The following PPP3CA variants were observed in gnomAD, a reference collection of about 807,000 sequenced individuals.
PPP3CA encodes the protein protein phosphatase 3 catalytic subunit alpha.
A neutral mutation model predicts 66.5 loss-of-function variants in PPP3CA; 14 were observed. That is an observed-to-expected ratio of 0.21 (90% CI 0.14 to 0.33). PPP3CA has a LOEUF of 0.33. Ranked by LOEUF, PPP3CA falls within the 10% of genes least tolerant of loss-of-function variation. The probability of loss-of-function intolerance (pLI) is 1.00; values close to 1 mark genes in which losing one functional copy is unlikely to be tolerated. For missense variants in PPP3CA, 317 were observed against 639.5 expected, an observed-to-expected ratio of 0.50 and a Z score of 5.44; for synonymous variants, 232 against 226.2, an observed-to-expected ratio of 1.03 and a Z score of -0.23.
rs186763683 is a variant in PPP3CA at position 101,312,843 on chromosome 4, C to G, written c.58+33896G>C. Reference sequence around the variant, plus strand: ...TTTCTCCTAAGCACTGCACCAGATACATCATCAGAGACATTAAAAAGTGGT... The same window carrying G: ...TTTCTCCTAAGCACTGCACCAGATAGATCATCAGAGACATTAAAAAGTGGT... On this transcript the variant is annotated intron_variant, in intron 1 of 13. Coordinates refer to ENST00000394854, the MANE Select transcript of PPP3CA (RefSeq NM_000944.5). Among the ~76,000 whole-genome samples the G allele has an allele frequency of 9.1e-3, 1,383 of 152,232 alleles. 17 individuals are homozygous for G. The highest frequency in any genetic ancestry group is 0.031 in the African/African-American group (1,287 of 41,534).
At chr4:101,174,669 A>G (rs1465440518) in intron 2 of PPP3CA, among the ~76,000 whole-genome samples, 1 of 152,172 alleles carries the variant, frequency 6.6e-6, no homozygotes, top group Non-Finnish European at 1.5e-5. Context: ...TTCTTAATCT[A>G]AAAGAATATA....
At chr4:101,096,137 T>C (rs185986906) in intron 5 of PPP3CA, among the ~76,000 whole-genome samples, 1 of 152,354 alleles carries the variant, frequency 6.6e-6, no homozygotes, top group East Asian at 1.9e-4. Context: ...ATAAAAAGCA[T>C]GCATTTTCTT....
At chr4:101,170,030 T>G (rs987461174) in intron 2 of PPP3CA, among the ~76,000 whole-genome samples, 2 of 152,172 alleles carry the variant, frequency 1.3e-5, no homozygotes, top group Non-Finnish European at 2.9e-5. Flanking sequence ...TTTCTATAGT[T>G]TTCCATATAA....
chr4:101,324,177 G>GAAGGAAGA (rs1729136028), intron 1 of PPP3CA, among the ~76,000 whole-genome samples: 3 of 129,014 alleles, frequency 2.3e-5, no homozygotes, highest in South Asian at 6.3e-4. Context: ...AGGAAGGAAG[G>GAAGGAAGA]AAGGAAGGAA....
intron 1 of PPP3CA, among the ~76,000 whole-genome samples, chr4:101,289,912 G>C (rs1727967901): frequency 7.2e-6 from 1 of 139,530 alleles, no homozygotes; most frequent in South Asian, 2.3e-4. Context: ...GTGTGTGTGT[G>C]TCAGATGTTT....
intron 2 of PPP3CA, among the ~76,000 whole-genome samples, chr4:101,170,492 A>T (rs2110314719): frequency 6.6e-6 from 1 of 152,280 alleles, no homozygotes; most frequent in South Asian, 2.1e-4. Context: ...CTACAAATAA[A>T]TAAATGGAAT....
At chr4:101,328,778 G>A (rs1387520295) in intron 1 of PPP3CA, among the ~76,000 whole-genome samples, 2 of 151,964 alleles carry the variant, frequency 1.3e-5, no homozygotes, top group African/African-American at 2.4e-5. Context: ...TGTATGTTAT[G>A]GTAATCTGTG....
At chr4:101,118,261 C>A (rs933392746) in intron 2 of PPP3CA, among the ~76,000 whole-genome samples, 2 of 151,974 alleles carry the variant, frequency 1.3e-5, no homozygotes, top group African/African-American at 4.8e-5. Context: ...GACTACGATG[C>A]CAGACTGCTT....
intron 1 of PPP3CA, among the ~76,000 whole-genome samples, chr4:101,298,740 G>C (rs993619610): frequency 3.9e-5 from 6 of 151,984 alleles, no homozygotes; most frequent in African/African-American, 1.5e-4. Flanking sequence ...GCCAACAGTA[G>C]GCTATTAGTA....
At chr4:101,179,380 C>T (rs1465849217) in intron 2 of PPP3CA, among the ~76,000 whole-genome samples, 1 of 152,092 alleles carries the variant, frequency 6.6e-6, no homozygotes, top group African/African-American at 2.4e-5. Flanking sequence ...AGTGGGTTAT[C>T]TACCCACTGC....
At chr4:101,033,269 C>T (rs998433368) in intron 11 of PPP3CA, among the ~76,000 whole-genome samples, 3 of 137,648 alleles carry the variant, frequency 2.2e-5, no homozygotes, top group African/African-American at 7.9e-5. Context: ...TATATACATA[C>T]ATAGAGACAC....
chr4:101,315,376 T>G (rs1390347182), intron 1 of PPP3CA, among the ~76,000 whole-genome samples: 1 of 152,150 alleles, frequency 6.6e-6, no homozygotes, highest in East Asian at 1.9e-4. Context: ...AACCCCAGTT[T>G]TATAAAAAAG....
intron 2 of PPP3CA, among the ~76,000 whole-genome samples, chr4:101,113,590 A>G (rs1028379560): frequency 1.3e-5 from 2 of 152,116 alleles, no homozygotes; most frequent in Admixed American, 6.6e-5. Flanking sequence ...TTTATTGCTC[A>G]GGCCTTGGAT....
At position 101,328,883 on chromosome 4, in the gene PPP3CA, TCTGA is replaced by T. The variant is rs539836906; in HGVS notation, c.58+17852_58+17855del. Among the ~76,000 whole-genome samples the T allele has an allele frequency of 1.9e-3, 284 of 152,272 alleles. 1 individual carries two copies. The highest frequency in any genetic ancestry group is 6.5e-3 in the African/African-American group (269 of 41,554). ...AAATTTAACAAATAAATGTGTGTAC[TCTGA>T]CTGCTGTGCTGACCAGTCATTTACC... On this transcript the variant is annotated intron_variant, in intron 1 of 13. Coordinates refer to ENST00000394854, the MANE Select transcript of PPP3CA (RefSeq NM_000944.5).
intron 1 of PPP3CA, among the ~76,000 whole-genome samples, chr4:101,261,628 T>G (rs1021969625): frequency 6.6e-6 from 1 of 152,076 alleles, no homozygotes; most frequent in Non-Finnish European, 1.5e-5. Context: ...GTAGTATAAT[T>G]ATTTTCACTT....
At chr4:101,109,661 A>G (rs954727833) in intron 2 of PPP3CA, among the ~76,000 whole-genome samples, 28 of 151,294 alleles carry the variant, frequency 1.9e-4, no homozygotes, top group Admixed American at 1.5e-3. Context: ...TAAGGCAAAA[A>G]AAAAAAAAAA....
At chr4:101,264,413 C>T (rs187461313) in intron 1 of PPP3CA, among the ~76,000 whole-genome samples, 93 of 151,330 alleles carry the variant, frequency 6.1e-4, no homozygotes, top group African/African-American at 1.9e-3. Context: ...CTAAGGCATA[C>T]GAAGGCAGGA....
intron 12 of PPP3CA, among the ~76,000 whole-genome samples, chr4:101,030,769 G>A (rs1326649331): frequency 6.6e-6 from 1 of 152,086 alleles, no homozygotes; most frequent in Non-Finnish European, 1.5e-5. Context: ...TAAAGCGAAT[G>A]TTAAATGAAC....
At chr4:101,305,685 A>T (rs1033612908) in intron 1 of PPP3CA, among the ~76,000 whole-genome samples, 1 of 152,222 alleles carries the variant, frequency 6.6e-6, no homozygotes, top group African/African-American at 2.4e-5. Context: ...GAGTTATAAT[A>T]TCAAAACTTT....
Sources: allele counts gnomAD v4.1 joint callset (sites outside exome capture counted in the v4.1 genomes callset), GRCh38; gene constraint gnomAD v4.1.1; transcripts MANE v1.5; gene names NCBI Gene and HGNC (gene_info 2026-07-23, HGNC 2026-07-21).